TMEM50B: variants seen among roughly 807,000 people sequenced by gnomAD.
The protein encoded by TMEM50B is transmembrane protein 50B.
TMEM50B carries 14 observed loss-of-function variants against 23.4 expected under a neutral mutation model. The ratio of observed to expected loss-of-function variants is 0.60; its 90% confidence interval spans 0.39 to 0.93. The LOEUF (loss-of-function observed/expected upper bound fraction) is 0.93. TMEM50B is among the 40% of genes least tolerant of loss of function. The pLI is 0.00. For synonymous variants in TMEM50B, 64 were observed against 62.3 expected (o/e 1.03, Z -0.13); for missense variants, 159 against 193.0 (o/e 0.82, Z 1.04).
chr21:33,460,625 T>C (rs986846960), intron 4 of TMEM50B, 120 bp from the exon 5 acceptor site: 19 of 439,312 alleles, frequency 4.3e-5, no homozygotes, highest in African/African-American at 3.5e-4. Flanking sequence ...AAGATAGTCA[T>C]ATATTTATAT....
At chr21:33,464,005 A>G (rs567592853) in intron 4 of TMEM50B, among the ~76,000 whole-genome samples, 8 of 152,258 alleles carry the variant, frequency 5.3e-5, no homozygotes, top group African/African-American at 1.9e-4. Flanking sequence ...GAAAAAATAT[A>G]CACGTGATAC....
Position 33,450,550 on chromosome 21 carries a change from G to A in TMEM50B, c.*268C>T, listed in dbSNP as rs1049573368. On this transcript the variant is annotated 3_prime_UTR_variant, in exon 7 of 7. Coordinates refer to ENST00000542230, the MANE Select transcript of TMEM50B (RefSeq NM_006134.7). ...GACAAGATGATGTAACCCTGGCTCA[G>A]GGAGTAGATCAAGTTCTAAATCTCA... is the stretch of plus-strand genomic sequence containing the variant. 6.2e-6 allele frequency: 2 copies of A among 322,078 alleles called. No homozygotes were observed. The highest frequency in any genetic ancestry group is 1.1e-5 in the Non-Finnish European group (2 of 176,072). The allele number at this position is 322,078 out of a possible 1,614,324, so 20.0% of individuals were successfully genotyped here. A position where few individuals can be genotyped will look rare whatever the true frequency, so the allele number is the denominator to read the frequency against.
intron 8 of TMEM50B, among the ~76,000 whole-genome samples, chr21:33,434,195 G>A (rs552706739): frequency 2.0e-5 from 3 of 152,232 alleles, no homozygotes; most frequent in Non-Finnish European, 4.4e-5. Context: ...GGACATTTTG[G>A]GGATCAGAGG....
At chr21:33,437,125 GC>G (rs2083963465) in intron 8 of TMEM50B, 1 of 575,558 alleles carries the variant, frequency 1.7e-6, no homozygotes, top group Non-Finnish European at 3.0e-6. Flanking sequence ...GGGGTGACAA[GC>G]TTTTTTTTTT....
intron 8 of TMEM50B, among the ~76,000 whole-genome samples, chr21:33,433,756 C>T (rs939333855): frequency 4.0e-5 from 6 of 151,556 alleles, no homozygotes; most frequent in Non-Finnish European, 8.8e-5. Flanking sequence ...TATGATGGTA[C>T]ATTTTATGTT....
intron 2 of TMEM50B, among the ~76,000 whole-genome samples, chr21:33,468,049 G>C (rs1242361135): frequency 7.3e-6 from 1 of 137,010 alleles, no homozygotes; most frequent in East Asian, 2.0e-4. Context: ...GTACAACATA[G>C]CAAGACCTCG....
intron 5 of TMEM50B, among the ~76,000 whole-genome samples, chr21:33,457,450 G>C (rs1360578083): frequency 6.6e-6 from 1 of 151,850 alleles, no homozygotes; most frequent in Non-Finnish European, 1.5e-5. Context: ...AGGACTTCAA[G>C]ACCAGCTTGG....
chr21:33,475,804 A>C lies in TMEM50B; in HGVS notation c.-42+4034T>G, dbSNP rs942195474. On this transcript the variant is annotated intron_variant, in intron 1 of 6. Transcript: ENST00000542230. ...CCCATCTCTAATAAAAATACAAAAA[A>C]TCAGCTGGGCGTGGTGGCACGCACC... Among the ~76,000 whole-genome samples, 3 of 152,220 alleles carry C rather than the reference A, an allele frequency of 2.0e-5. No individual in the cohort carries two copies. In the East Asian group the frequency reaches 5.9e-4, roughly 30 times the overall value.
downstream of TMEM50B, among the ~76,000 whole-genome samples, chr21:33,446,526 T>C (rs917035854): frequency 4.6e-5 from 7 of 151,312 alleles, no homozygotes; most frequent in East Asian, 1.9e-4. Context: ...CGAGAGCCGC[T>C]GTGCCTGGCC....
chr21:33,460,723 T>C (rs944852083), intron 4 of TMEM50B, among the ~76,000 whole-genome samples: 3 of 151,020 alleles, frequency 2.0e-5, no homozygotes, highest in African/African-American at 7.3e-5. Flanking sequence ...AAAAAGAAAG[T>C]TACCTTTTTA....
At position 33,460,485 on chromosome 21, in the gene TMEM50B, T is replaced by G; in HGVS notation, c.301A>C (p.Ile101Leu). The stretch of plus-strand genomic sequence containing the variant: ...GACCCAAACATCAACATGAAACCAA[T>G]GAAAAGCCAAACTCGAGCACCTGTG... The part of the protein sequence containing the change: ...GRTGARVWLF[I>L]GFMLMFGSLI... Residue 101 changes from isoleucine (I) to leucine (L), a missense_variant, in exon 5 of 7, where the codon ATT (isoleucine) becomes CTT (leucine). Coordinates refer to ENST00000542230, the MANE Select transcript of TMEM50B (RefSeq NM_006134.7). The G allele has an allele frequency of 1.2e-6, 2 of 1,611,080 alleles. No individual in the cohort carries two copies. Among genetic ancestry groups the G allele is most frequent in the Non-Finnish European group, 1.7e-6 (2 of 1,179,066 alleles).
intron 3 of TMEM50B, among the ~76,000 whole-genome samples, 158 bp downstream of exon 3, chr21:33,466,852 G>A (rs1429242556): frequency 6.6e-6 from 1 of 151,744 alleles, no homozygotes; most frequent in Non-Finnish European, 1.5e-5. Flanking sequence ...ACTCATTCTT[G>A]GTTAAAAAAA....
At chr21:33,457,806 G>A (rs984437586) in intron 5 of TMEM50B, among the ~76,000 whole-genome samples, 1 of 152,126 alleles carries the variant, frequency 6.6e-6, no homozygotes, top group Non-Finnish European at 1.5e-5. Context: ...TAAGCAGGAA[G>A]CCATTAACCT....
chr21:33,478,870 G>C, intron 1 of TMEM50B: 2 of 470,064 alleles, frequency 4.3e-6, no homozygotes, highest in Non-Finnish European at 8.8e-6. Context: ...GAAGTGTCAA[G>C]GGATCCACAG....
intron 4 of TMEM50B, among the ~76,000 whole-genome samples, chr21:33,464,804 C>CAAAAAAAAAAAAAAAA (rs59855166): frequency 0.023 from 2,259 of 100,354 alleles, 76 homozygotes; most frequent in Non-Finnish European, 0.037. Context: ...AACTCCGTCT[C>CAAAAAAAAAAAAAAAA]AAAAAAAAAA....
chr21:33,452,541 A>G (rs1383266529), intron 6 of TMEM50B, among the ~76,000 whole-genome samples: 1 of 152,234 alleles, frequency 6.6e-6, no homozygotes, highest in Non-Finnish European at 1.5e-5. Context: ...CTCGGAATAC[A>G]TGAAGCATCA....
At chr21:33,474,957 C>G in intron 1 of TMEM50B, among the ~76,000 whole-genome samples, 1 of 150,890 alleles carries the variant, frequency 6.6e-6, no homozygotes. Context: ...GACAGAGTCT[C>G]TCTCTGTCAC....
intron 6 of TMEM50B, among the ~76,000 whole-genome samples, chr21:33,453,444 GA>G (rs925157489): frequency 2.6e-5 from 4 of 151,050 alleles, no homozygotes; most frequent in Admixed American, 6.6e-5. Flanking sequence ...ACACAAACAG[GA>G]AAAAAAAATC....
At chr21:33,467,329 T>C (rs1485131731) in intron 2 of TMEM50B, among the ~76,000 whole-genome samples, 1 of 151,982 alleles carries the variant, frequency 6.6e-6, no homozygotes, top group Non-Finnish European at 1.5e-5. Context: ...ACCTCATCTC[T>C]TCTAAAAATA....
Sources: gnomAD v4.1 joint callset for allele counts (sites outside exome capture counted in the v4.1 genomes callset) on GRCh38, gnomAD v4.1.1 for gene constraint, MANE v1.5 for transcripts, NCBI Gene and HGNC (gene_info 2026-07-23, HGNC 2026-07-21) for gene names.